The following TRAK1 variants were observed in gnomAD, a reference collection of about 807,000 sequenced individuals.
TRAK1 encodes trafficking kinesin-binding protein 1.
Under a neutral mutation model 92.1 loss-of-function variants are expected in TRAK1, and 33 were observed. The ratio of observed to expected loss-of-function variants is 0.36; its 90% CI spans 0.27 to 0.48. TRAK1 has a LOEUF of 0.48. Ranked by LOEUF, TRAK1 falls within the 20% of genes least tolerant of loss-of-function variation. The pLI is 0.99. For missense variants in TRAK1, 1,123 were observed against 1,257.9 expected, an observed-to-expected ratio of 0.89 and a Z score of 1.62; for synonymous variants, 521 against 517.3, an observed-to-expected ratio of 1.01 and a Z score of -0.10.
chr3:42,036,868 G>A (rs1055638901), intron 1 of TRAK1, among the ~76,000 whole-genome samples: 8 of 152,156 alleles, frequency 5.3e-5, no homozygotes, highest in Non-Finnish European at 8.8e-5. Context: ...TCCTACCTCA[G>A]CTTCCTGAGT....
At chr3:42,034,499 T>C (rs1702257824) in intron 1 of TRAK1, among the ~76,000 whole-genome samples, 1 of 152,088 alleles carries the variant, frequency 6.6e-6, no homozygotes, top group Admixed American at 6.5e-5. Context: ...CTCCATGTTG[T>C]CCCGGATGGT....
chr3:42,091,770 C>G (rs2078852127), intron 1 of TRAK1, among the ~76,000 whole-genome samples: 1 of 152,096 alleles, frequency 6.6e-6, no homozygotes, highest in Admixed American at 6.5e-5. Flanking sequence ...ACCCCCCCAT[C>G]TCCCGTTCCC....
chr3:42,128,309 C>T (rs1710848699), intron 2 of TRAK1, among the ~76,000 whole-genome samples: 1 of 152,284 alleles, frequency 6.6e-6, no homozygotes, highest in Non-Finnish European at 1.5e-5. Context: ...TAGTAGATAA[C>T]ACAACTTATG....
chr3:42,215,629 G>A (rs1463667213), intron 14 of TRAK1, among the ~76,000 whole-genome samples: 1 of 152,148 alleles, frequency 6.6e-6, no homozygotes, highest in Non-Finnish European at 1.5e-5. Flanking sequence ...GGGTCATAGG[G>A]TTTATTTTAC....
chr3:42,170,634 A>T (rs1418106961), intron 2 of TRAK1, among the ~76,000 whole-genome samples: 1 of 152,188 alleles, frequency 6.6e-6, no homozygotes, highest in East Asian at 1.9e-4. Context: ...AATGAAAATT[A>T]TAGAAAATTG....
At chr3:42,163,853 A>C (rs1235918828) in intron 2 of TRAK1, among the ~76,000 whole-genome samples, 1 of 152,170 alleles carries the variant, frequency 6.6e-6, no homozygotes, top group Non-Finnish European at 1.5e-5. Context: ...CTCATACTCC[A>C]AGAAATCATT....
chr3:42,178,510 C>T (rs1413707490), intron 3 of TRAK1, among the ~76,000 whole-genome samples: 1 of 152,144 alleles, frequency 6.6e-6, no homozygotes, highest in African/African-American at 2.4e-5. Context: ...TGAAGATGGC[C>T]CCAACTCCAT....
chr3:42,129,911 T>C (rs1034726030), intron 2 of TRAK1, among the ~76,000 whole-genome samples: 1 of 152,068 alleles, frequency 6.6e-6, no homozygotes, highest in Admixed American at 6.6e-5. Context: ...TCTGGTGAAA[T>C]ACAAAAAAAG....
chr3:42,076,472 C>A (rs566445942), intron 1 of TRAK1, among the ~76,000 whole-genome samples: 1 of 151,930 alleles, frequency 6.6e-6, no homozygotes. Context: ...GTGATCCACC[C>A]GCCTCGGCTT....
In TRAK1 at chr3:42,070,272, GA is replaced by G. The variant is rs1559736249; in HGVS notation, c.-518-16830del. Among the ~76,000 whole-genome samples, 4 of 146,704 alleles carry G rather than the reference GA, an allele frequency of 2.7e-5. No individual in the cohort carries two copies. In the East Asian group the frequency reaches 5.9e-4, roughly 21 times the overall value. ...TAATTATTATAATTATAATAATTAT[GA>G]ATAATAATTATAATTATATTAATTA... On this transcript the variant is annotated intron_variant, in intron 1 of 16. Transcript: ENST00000487159.
chr3:42,217,099 T>C (rs368352271), intron 14 of TRAK1: 113 of 152,814 alleles, frequency 7.4e-4, no homozygotes, highest in Non-Finnish European at 8.9e-4. Flanking sequence ...CTCTCTCTCT[T>C]TTTTTTTTTT....
chr3:42,221,488 G>A (rs192202922), intron 15 of TRAK1, among the ~76,000 whole-genome samples: 147 of 152,270 alleles, frequency 9.7e-4, no homozygotes, highest in Non-Finnish European at 1.2e-3. Context: ...TGTTTCCCAC[G>A]AGGGAGGGGG....
intron 2 of TRAK1, among the ~76,000 whole-genome samples, chr3:42,127,548 A>C (rs1323398325): frequency 6.6e-6 from 1 of 151,714 alleles, no homozygotes; most frequent in Non-Finnish European, 1.5e-5. Flanking sequence ...TTTTGGAGAG[A>C]TGGGGTCTCC....
intron 14 of TRAK1, chr3:42,210,468 G>A: frequency 8.0e-7 from 1 of 1,253,728 alleles, no homozygotes; most frequent in Non-Finnish European, 1.0e-6. Flanking sequence ...CCTTCTTCCT[G>A]GTCTGGGTGT....
chr3:42,053,386 G>T (rs1171183033), intron 1 of TRAK1, among the ~76,000 whole-genome samples: 2 of 135,546 alleles, frequency 1.5e-5, no homozygotes, highest in African/African-American at 5.2e-5. Context: ...GGGGGGGGGG[G>T]GCGGGGGATG....
At chr3:42,134,517 T>C (rs946123043) in intron 2 of TRAK1, among the ~76,000 whole-genome samples, 13 of 150,256 alleles carry the variant, frequency 8.7e-5, no homozygotes, top group Admixed American at 5.3e-4. Flanking sequence ...CCTCAAGTGA[T>C]CCACCTGCCT....
chr3:42,131,569 T>C (rs1342959606), intron 2 of TRAK1, among the ~76,000 whole-genome samples: 1 of 147,990 alleles, frequency 6.8e-6, no homozygotes, highest in Non-Finnish European at 1.5e-5. Context: ...ATACAAAAAT[T>C]AGCCAGGCAT....
At position 42,034,651 on chromosome 3, in the gene TRAK1, C is replaced by T. The variant is rs183888180; in HGVS notation, c.-519+20534C>T. Among the ~76,000 whole-genome samples the T allele has an allele frequency of 2.7e-3, 405 of 152,232 alleles. 2 individuals are homozygous for T. Among genetic ancestry groups the T allele is most frequent in the African/African-American group, 5.5e-3 (228 of 41,542 alleles). On this transcript the variant is annotated intron_variant, in intron 1 of 16. Coordinates refer to the TRAK1 transcript ENST00000487159. ...GCCATGATTACTGTTCTAGACTTTCCGTGTCTTTCTCAAACGCTGTACCTC... is the reference window on the plus strand; with the variant it reads ...GCCATGATTACTGTTCTAGACTTTCTGTGTCTTTCTCAAACGCTGTACCTC...
intron 2 of TRAK1, chr3:42,145,823 A>T: frequency 4.2e-6 from 1 of 240,522 alleles, no homozygotes; most frequent in Non-Finnish European, 8.1e-6. Flanking sequence ...TAGTTGGGTC[A>T]TAAGAAAGAA....
Sources: allele counts gnomAD v4.1 joint callset (sites outside exome capture counted in the v4.1 genomes callset), GRCh38; gene constraint gnomAD v4.1.1; transcripts MANE v1.5; gene names NCBI Gene and HGNC (gene_info 2026-07-23, HGNC 2026-07-21).